CALN1: variants seen among roughly 807,000 people sequenced by gnomAD.
CALN1 encodes the protein calcium-binding protein 8.
In CALN1, 17 loss-of-function variants were observed where a neutral mutation model predicts 30.6. The observed-to-expected ratio is 0.56, with a 90% CI of 0.38 to 0.83. The LOEUF is 0.83. CALN1 is among the 40% of genes least tolerant of loss of function. CALN1 has a pLI of 0.00. For synonymous variants in CALN1, 156 were observed against 131.4 expected (o/e 1.19, Z -1.28); for missense variants, 291 against 354.9 (o/e 0.82, Z 1.45).
intron 5 of CALN1, among the ~76,000 whole-genome samples, chr7:71,908,568 T>C (rs17144104): frequency 0.086 from 13,107 of 152,040 alleles, 967 homozygotes; most frequent in East Asian, 0.42. Flanking sequence ...ACGAGAAAAG[T>C]AGATATCTTA....
At chr7:71,797,334 G>A (rs1471061187) in intron 6 of CALN1, among the ~76,000 whole-genome samples, 1 of 152,146 alleles carries the variant, frequency 6.6e-6, no homozygotes, top group African/African-American at 2.4e-5. Flanking sequence ...GAGCCACCAG[G>A]TCTGGGAGCT....
At chr7:72,387,771 G>C (rs553857069) in intron 2 of CALN1, among the ~76,000 whole-genome samples, 12 of 152,272 alleles carry the variant, frequency 7.9e-5, no homozygotes, top group African/African-American at 2.9e-4. Context: ...ACAAGTAAAT[G>C]CACCATTGCC....
intron 2 of CALN1, among the ~76,000 whole-genome samples, chr7:72,362,867 T>C (rs1803651351): frequency 1.3e-5 from 2 of 152,198 alleles, no homozygotes; most frequent in African/African-American, 4.8e-5. Flanking sequence ...CATATACATT[T>C]ACCATATTCC....
chr7:71,833,290 C>T (rs1335433970), intron 5 of CALN1, among the ~76,000 whole-genome samples: 2 of 152,164 alleles, frequency 1.3e-5, no homozygotes, highest in Admixed American at 1.3e-4. Context: ...GGGATAGCAA[C>T]CATGCCCTGT....
chr7:72,465,926 G>T, the CALN1 span, among the ~76,000 whole-genome samples: 1 of 152,218 alleles, frequency 6.6e-6, no homozygotes, highest in Non-Finnish European at 1.5e-5. Flanking sequence ...GGAAGAGGGT[G>T]TGGGACACCC....
intron 5 of CALN1, among the ~76,000 whole-genome samples, chr7:72,002,436 G>C (rs1014750186): frequency 2.0e-5 from 3 of 152,054 alleles, no homozygotes; most frequent in African/African-American, 7.2e-5. Flanking sequence ...AGATATATGG[G>C]TAATTGAAGT....
chr7:72,138,555 C>A (rs375598954), intron 3 of CALN1, among the ~76,000 whole-genome samples: 23 of 62,640 alleles, frequency 3.7e-4, no homozygotes, highest in African/African-American at 1.8e-3. Context: ...GCAAAGGAGA[C>A]GGGGACTGCC....
chr7:71,852,146 C>T (rs575098663), intron 5 of CALN1, among the ~76,000 whole-genome samples: 2 of 152,248 alleles, frequency 1.3e-5, no homozygotes, highest in South Asian at 4.2e-4. Context: ...CATTTCATTG[C>T]ACACGTTCAC....
At chr7:71,850,796 C>A (rs915579939) in intron 5 of CALN1, among the ~76,000 whole-genome samples, 1 of 152,094 alleles carries the variant, frequency 6.6e-6, no homozygotes, top group Non-Finnish European at 1.5e-5. Context: ...AGAATAAAAT[C>A]TATGTTATGA....
chr7:72,447,666 A>G (rs1229409840), upstream of CALN1, among the ~76,000 whole-genome samples: 1 of 150,500 alleles, frequency 6.6e-6, no homozygotes. Context: ...CACACCTGCC[A>G]TGCACACACC....
rs1196320420 is a variant in CALN1 at position 72,366,668 on chromosome 7, C to T, written c.119+36583G>A. 7.9e-5 allele frequency among the ~76,000 whole-genome samples: 12 copies of T among 152,174 alleles called. No individual in the cohort carries two copies. The East Asian group carries it at 1.9e-3, about 24-fold the overall frequency. On this transcript the variant is annotated intron_variant, in intron 2 of 6. Transcript: ENST00000395275. ...CCCACTTCTGAGTCTCTAAAGTTCA[C>T]ATATAATGAATATTATTAATTGACA...
chr7:71,795,979 C>T (rs974124238), intron 6 of CALN1, among the ~76,000 whole-genome samples: 13 of 148,054 alleles, frequency 8.8e-5, no homozygotes, highest in Admixed American at 2.0e-4. Context: ...CCACCACACC[C>T]GGCTAATTTT....
At chr7:72,493,195 C>A in the CALN1 span, among the ~76,000 whole-genome samples, 1 of 152,142 alleles carries the variant, frequency 6.6e-6, no homozygotes, top group African/African-American at 2.4e-5. Flanking sequence ...CTCTAGGCAG[C>A]CACTAATCTC....
In CALN1 at chr7:72,432,170, C is replaced by CA. The variant is rs141915752; in HGVS notation, c.-226+14871dup. Reference sequence around the variant, plus strand: ...GTGGGTTTTCCTGTGCTGTTCTGGTCATAGTGAGTGAGTCTCATGAGACCT... The same window carrying CA: ...GTGGGTTTTCCTGTGCTGTTCTGGTCAATAGTGAGTGAGTCTCATGAGACCT... On this transcript the variant is annotated intron_variant, in intron 1 of 6. Transcript: ENST00000395276. 6.5e-3 allele frequency among the ~76,000 whole-genome samples: 985 copies of CA among 152,194 alleles called. 12 individuals are homozygous for CA. Among genetic ancestry groups the CA allele is most frequent in the African/African-American group, 0.022 (904 of 41,520 alleles).
At chr7:71,855,333 G>C (rs751765918) in intron 5 of CALN1, among the ~76,000 whole-genome samples, 44 of 152,170 alleles carry the variant, frequency 2.9e-4, no homozygotes, top group Non-Finnish European at 7.4e-5. Flanking sequence ...TGCTCTGGCT[G>C]ACGCTGGACA....
At chr7:72,322,706 G>T (rs1022327560) in intron 2 of CALN1, among the ~76,000 whole-genome samples, 1 of 151,586 alleles carries the variant, frequency 6.6e-6, no homozygotes, top group Non-Finnish European at 1.5e-5. Context: ...ATGGTTAATG[G>T]GTACAAAAAA....
chr7:71,851,120 G>A (rs1262539285), intron 5 of CALN1, among the ~76,000 whole-genome samples: 2 of 151,942 alleles, frequency 1.3e-5, no homozygotes, highest in Non-Finnish European at 2.9e-5. Context: ...GGAGGCTAAG[G>A]TGTGAGGGTT....
intron 3 of CALN1, among the ~76,000 whole-genome samples, chr7:72,143,853 G>A (rs1260111334): frequency 6.6e-6 from 1 of 152,124 alleles, no homozygotes; most frequent in African/African-American, 2.4e-5. Context: ...TTTCAACCCA[G>A]AATTTCATAT....
intron 3 of CALN1, among the ~76,000 whole-genome samples, chr7:72,275,220 G>A (rs1797258137): frequency 6.6e-6 from 1 of 152,082 alleles, no homozygotes; most frequent in Non-Finnish European, 1.5e-5. Flanking sequence ...ATGTCCATCA[G>A]TGTCCAACAC....
Sources: gnomAD v4.1 joint callset for allele counts (sites outside exome capture counted in the v4.1 genomes callset) on GRCh38, gnomAD v4.1.1 for gene constraint, MANE v1.5 for transcripts, NCBI Gene and HGNC (gene_info 2026-07-23, HGNC 2026-07-21) for gene names.